Variants in FGD4 observed in about 807,000 individuals in gnomAD.
The protein encoded by FGD4 is FYVE, RhoGEF and PH domain containing 4.
FGD4 carries 42 observed loss-of-function variants against 102.0 expected under a neutral mutation model. The observed-to-expected ratio is 0.41, with a 90% CI of 0.32 to 0.53. FGD4 has a LOEUF of 0.53. Among genes scored for constraint, FGD4 ranks in the 20% least tolerant of loss-of-function variants. The pLI is 0.21. For missense variants in FGD4, 902 were observed against 1,078.2 expected, an observed-to-expected ratio of 0.84 and a Z score of 2.29; for synonymous variants, 380 against 375.7, an observed-to-expected ratio of 1.01 and a Z score of -0.13.
intron 1 of FGD4, among the ~76,000 whole-genome samples, chr12:32,498,073 A>G (rs1170127004): frequency 2.6e-5 from 4 of 152,166 alleles, no homozygotes; most frequent in African/African-American, 7.2e-5. Flanking sequence ...AGGGCTGGCT[A>G]AACAGGAACT....
chr12:32,433,935 G>C lies in FGD4; in HGVS notation c.166+33976G>C, dbSNP rs181521293. ...CAGTGGCGTGATCTTGGCTCACTGC[G>C]ACCTCCGCCTTCTGGGTTCAAGCGA... On this transcript the variant is annotated intron_variant, in intron 1 of 16. Transcript: ENST00000534526. Among the ~76,000 whole-genome samples the C allele has an allele frequency of 5.3e-5, 8 of 151,614 alleles. No individual in the cohort carries two copies. In the East Asian group the frequency reaches 1.4e-3, roughly 26 times the overall value.
chr12:32,542,306 T>C (rs1298685257), intron 1 of FGD4, among the ~76,000 whole-genome samples: 5 of 152,138 alleles, frequency 3.3e-5, no homozygotes, highest in African/African-American at 9.7e-5. Flanking sequence ...TTTAGAGAAA[T>C]CAAGTTTAGA....
chr12:32,582,748 T>C (rs1279823737), intron 4 of FGD4: 9 of 438,852 alleles, frequency 2.1e-5, no homozygotes, highest in Non-Finnish European at 3.3e-5. Flanking sequence ...ATGTATTGTT[T>C]TTACATAGAA....
chr12:32,625,578 A>G (rs1321031131), intron 13 of FGD4, 76 bp from the exon 14 acceptor site: 3 of 1,522,418 alleles, frequency 2.0e-6, no homozygotes, highest in Non-Finnish European at 2.7e-6. Context: ...ATGTAGTTAA[A>G]GTTCTTTCAA....
intron 8 of FGD4, among the ~76,000 whole-genome samples, chr12:32,609,109 C>T (rs374448810): frequency 7.2e-5 from 11 of 152,252 alleles, no homozygotes; most frequent in African/African-American, 2.6e-4. Flanking sequence ...GATGATCCAC[C>T]CACCTCAGCT....
intron 1 of FGD4, among the ~76,000 whole-genome samples, chr12:32,411,258 G>A (rs536561640): frequency 3.3e-5 from 5 of 151,872 alleles, no homozygotes; most frequent in Non-Finnish European, 2.9e-5. Context: ...ACATGTGGGT[G>A]GGACGCGGTG....
rs978459299 is a variant in FGD4, at chr12:32,544,139, G to A, written c.167-19998G>A. Among the ~76,000 whole-genome samples, 1 of 152,094 alleles carries A rather than the reference G, an allele frequency of 6.6e-6. No homozygotes were observed. The highest frequency in any genetic ancestry group is 6.6e-5 in the Admixed American group (1 of 15,266). ...CTTAAATAATTACTAGTAAAATTTGGCCAGAGCCAGCAGCCATGGCTTATG... is the reference window on the plus strand; with the variant it reads ...CTTAAATAATTACTAGTAAAATTTGACCAGAGCCAGCAGCCATGGCTTATG... On this transcript the variant is annotated intron_variant, in intron 1 of 16. Transcript: ENST00000534526. This position sits in a 1 kb window ranked among gnomAD's most constrained non-coding sequence, Gnocchi z 4.1.
intron 1 of FGD4, among the ~76,000 whole-genome samples, chr12:32,429,645 G>C: frequency 6.6e-6 from 1 of 152,204 alleles, no homozygotes; most frequent in Non-Finnish European, 1.5e-5. Flanking sequence ...TTTCCCCCAG[G>C]TGCTCTGTCC....
intron 1 of FGD4, among the ~76,000 whole-genome samples, chr12:32,537,290 A>G (rs2136104652): frequency 6.6e-6 from 1 of 152,348 alleles, no homozygotes; most frequent in South Asian, 2.1e-4. Flanking sequence ...CAATCTGGCA[A>G]CAAATCTTGC....
chr12:32,562,813 C>T (rs1177417189), intron 1 of FGD4, among the ~76,000 whole-genome samples: 1 of 104,150 alleles, frequency 9.6e-6, no homozygotes, highest in Admixed American at 1.1e-4. Context: ...ATGTCTACTT[C>T]TTTCTACACA....
At chr12:32,560,330 T>TG (rs1202272208) in intron 1 of FGD4, among the ~76,000 whole-genome samples, 2 of 152,192 alleles carry the variant, frequency 1.3e-5, no homozygotes, top group Non-Finnish European at 2.9e-5. Flanking sequence ...CGGCTCACTG[T>TG]GGCCTCAAAC....
At chr12:32,431,194 T>G (rs187420027) in intron 1 of FGD4, among the ~76,000 whole-genome samples, 1 of 152,328 alleles carries the variant, frequency 6.6e-6, no homozygotes, top group Non-Finnish European at 1.5e-5. Context: ...ATGTCATGAA[T>G]CCTCTCTGAT....
At chr12:32,636,146 C>T (rs566256882) in intron 15 of FGD4, among the ~76,000 whole-genome samples, 2 of 151,908 alleles carry the variant, frequency 1.3e-5, no homozygotes, top group Non-Finnish European at 2.9e-5. Flanking sequence ...TGTAAGTGGT[C>T]GCGTAAAAAA....
chr12:32,599,724 G>A (rs10129039), intron 5 of FGD4, among the ~76,000 whole-genome samples: 61,686 of 148,486 alleles, frequency 0.42, 14,441 homozygotes, highest in African/African-American at 0.64. Context: ...AATTTTTTCT[G>A]TCTTTAGTAG....
intron 1 of FGD4, among the ~76,000 whole-genome samples, chr12:32,557,196 G>A (rs116496445): frequency 0.011 from 1,663 of 152,248 alleles, 36 homozygotes; most frequent in African/African-American, 0.038. Flanking sequence ...TATACTTGGT[G>A]ACTTTCATAG....
rs1218349736 is a variant in FGD4 at position 32,544,649 on chromosome 12, C to G, written c.167-19488C>G. 6.6e-6 allele frequency among the ~76,000 whole-genome samples: 1 copy of G among 151,642 alleles called. No individual in the cohort carries two copies. The highest frequency in any genetic ancestry group is 1.9e-4 in the East Asian group (1 of 5,148). On this transcript the variant is annotated intron_variant, in intron 1 of 16. Coordinates refer to ENST00000534526, the MANE Select transcript of FGD4 (RefSeq NM_001370298.3). This position sits in a 1 kb window ranked among gnomAD's most constrained non-coding sequence, Gnocchi z 4.1. ...TCAGGAGGCTGAGGCTAGAGGACTG[C>G]TTGAGCCAGGAAGTGGAGGTTGCAG...
chr12:32,457,111 GA>G (rs1406701511), intron 1 of FGD4, among the ~76,000 whole-genome samples: 1 of 152,134 alleles, frequency 6.6e-6, no homozygotes, highest in African/African-American at 2.4e-5. Context: ...TTAAAAAGCA[GA>G]ATAAGGCTTC....
At chr12:32,572,767 A>G (rs1206503259) in intron 2 of FGD4, among the ~76,000 whole-genome samples, 1 of 152,190 alleles carries the variant, frequency 6.6e-6, no homozygotes, top group Non-Finnish European at 1.5e-5. Context: ...AATCTGGATT[A>G]TGTTGCTATG....
At position 32,465,554 on chromosome 12, in the gene FGD4, G is replaced by C. The variant is rs547816288; in HGVS notation, c.166+65595G>C. ...GTGGTGGCGCACACCTGTAGTCCCA[G>C]CTACTCGGGAGGCTGAGGCAGGAGA... On this transcript the variant is annotated intron_variant, in intron 1 of 16. Coordinates refer to ENST00000534526, the MANE Select transcript of FGD4 (RefSeq NM_001370298.3). 5.3e-5 allele frequency among the ~76,000 whole-genome samples: 8 copies of C among 152,216 alleles called. No individual in the cohort carries two copies. The East Asian group carries it at 1.5e-3, about 29-fold the overall frequency.
Sources: allele counts gnomAD v4.1 joint callset (sites outside exome capture counted in the v4.1 genomes callset), GRCh38; gene constraint gnomAD v4.1.1; non-coding constraint Gnocchi (gnomAD v3.1); transcripts MANE v1.5; gene names NCBI Gene and HGNC (gene_info 2026-07-23, HGNC 2026-07-21).